Variants in LEPR observed in about 807,000 individuals in gnomAD.
LEPR encodes OB receptor.
LEPR carries 56 observed loss-of-function variants against 114.7 expected under a neutral mutation model. The ratio of observed to expected loss-of-function variants is 0.49; its 90% CI spans 0.39 to 0.61. The LOEUF is 0.61. LEPR is among the 20% of genes least tolerant of loss of function. The pLI, the probability that LEPR is intolerant of heterozygous loss-of-function variation, is 0.00. For missense variants in LEPR, 1,202 were observed against 1,352.9 expected (o/e 0.89, Z 1.75); for synonymous variants, 443 against 461.4 (o/e 0.96, Z 0.51).
rs189228970 is a variant in LEPR, at chr1:65,544,430, A to G, written c.-20-21116A>G. ...CCTCTCTTCCTATTTGAATACCCTT[A>G]ATTTCTTTCTCTTGCCTGATTTCCC... On this transcript the variant is annotated intron_variant, in intron 2 of 19. Coordinates refer to ENST00000349533, the MANE Select transcript of LEPR (RefSeq NM_002303.6). 5.9e-3 allele frequency among the ~76,000 whole-genome samples: 902 copies of G among 151,962 alleles called. 3 individuals are homozygous for G. The highest frequency in any genetic ancestry group is 0.01 in the Non-Finnish European group (713 of 67,980).
chr1:65,605,842 T>C (rs893073579), intron 11 of LEPR, among the ~76,000 whole-genome samples: 3 of 152,206 alleles, frequency 2.0e-5, no homozygotes, highest in African/African-American at 7.2e-5. Flanking sequence ...GAAATGATTG[T>C]GCAACAGGAA....
Position 65,483,289 on chromosome 1 carries a change from G to C in LEPR, c.-21+57911G>C, listed in dbSNP as rs142542334. Among the ~76,000 whole-genome samples, 8 of 151,984 alleles carry C rather than the reference G, an allele frequency of 5.3e-5. No individual in the cohort carries two copies. In the East Asian group the frequency reaches 1.5e-3, roughly 29 times the overall value. On this transcript the variant is annotated intron_variant, in intron 2 of 19. Coordinates refer to ENST00000349533, the MANE Select transcript of LEPR (RefSeq NM_002303.6). ...TCAATAAGAAAAAGACAATACCATG[G>C]ACATGTTCTCAAACTCCTTAGTAAT...
chr1:65,574,200 G>A (rs1347897812), intron 5 of LEPR, among the ~76,000 whole-genome samples: 1 of 152,146 alleles, frequency 6.6e-6, no homozygotes, highest in South Asian at 2.1e-4. Flanking sequence ...AGTCATTAGA[G>A]ATAAATAAGA....
At chr1:65,467,308 G>A (rs911873426) in intron 2 of LEPR, among the ~76,000 whole-genome samples, 35 of 152,124 alleles carry the variant, frequency 2.3e-4, no homozygotes, top group African/African-American at 7.7e-4. Context: ...AGGTCTGTTG[G>A]AGTTTGCTGG....
chr1:65,466,416 C>G (rs940839659), intron 2 of LEPR, among the ~76,000 whole-genome samples: 5 of 152,186 alleles, frequency 3.3e-5, no homozygotes, highest in African/African-American at 1.2e-4. Context: ...ATGGGCTTCT[C>G]TTTGTGGGTA....
intron 2 of LEPR, among the ~76,000 whole-genome samples, chr1:65,529,153 A>G (rs1369018315): frequency 6.6e-6 from 1 of 152,086 alleles, no homozygotes; most frequent in Admixed American, 6.5e-5. Flanking sequence ...ATTAAATCAT[A>G]GATTATTTTG....
At chr1:65,570,850 C>A (rs1324146285) in intron 4 of LEPR, 48 bp downstream of exon 4, 10 of 1,431,136 alleles carry the variant, frequency 7.0e-6, no homozygotes, top group African/African-American at 1.4e-5. Flanking sequence ...TTTTTTAATT[C>A]TTTGATACCT....
rs188812435 is a variant in LEPR at position 65,597,356 on chromosome 1, C to T, written c.849+763C>T. 7.2e-5 allele frequency among the ~76,000 whole-genome samples: 11 copies of T among 152,022 alleles called. No individual in the cohort carries two copies. In the East Asian group the frequency reaches 1.2e-3, roughly 16 times the overall value. Reference sequence around the variant, plus strand: ...TCTCTTTTTCTTTAACAGTTCGTTCCGTAAGTATTTATTGAACACCTGCTA... The same window carrying T: ...TCTCTTTTTCTTTAACAGTTCGTTCTGTAAGTATTTATTGAACACCTGCTA... On this transcript the variant is annotated intron_variant, in intron 7 of 19. Transcript: ENST00000349533.
At chr1:65,449,260 C>CTTTTTTTTTTTTTT (rs201429452) in intron 2 of LEPR, among the ~76,000 whole-genome samples, 2 of 118,528 alleles carry the variant, frequency 1.7e-5, no homozygotes, top group African/African-American at 6.3e-5. Flanking sequence ...TTTTATTTAT[C>CTTTTTTTTTTTTTT]TTTTTTTTTT....
intron 2 of LEPR, among the ~76,000 whole-genome samples, chr1:65,454,755 T>C (rs1394842495): frequency 2.6e-5 from 4 of 152,114 alleles, no homozygotes; most frequent in Non-Finnish European, 4.4e-5. Context: ...CTGACAATTA[T>C]GTGTCTTGGA....
intron 2 of LEPR, among the ~76,000 whole-genome samples, chr1:65,524,568 G>A (rs879181501): frequency 1.3e-5 from 2 of 152,170 alleles, no homozygotes; most frequent in African/African-American, 4.8e-5. Context: ...GCCGGGAGTC[G>A]TCGCTTCTGG....
In LEPR at chr1:65,565,916, TA is replaced by T. The variant is rs1187022216; in HGVS notation, c.40+312del. On this transcript the variant is annotated intron_variant, in intron 3 of 19. Coordinates refer to ENST00000349533, the MANE Select transcript of LEPR (RefSeq NM_002303.6). ...ACATACACAGACACACTCATATCTA[TA>T]GCTGCAAAAATAGCACTGGTCTGTA... Among the ~76,000 whole-genome samples the T allele has an allele frequency of 4.6e-5, 7 of 152,132 alleles. No individual in the cohort carries two copies. The East Asian group carries it at 1.4e-3, about 30-fold the overall frequency.
chr1:65,487,899 CTTTCTTTCTTT>C (rs1466396718), intron 2 of LEPR, among the ~76,000 whole-genome samples: 1 of 150,986 alleles, frequency 6.6e-6, no homozygotes, highest in East Asian at 1.9e-4. Context: ...CTTTCCTTTT[CTTTCTTTCTTT>C]TTTCGTCTTT....
At chr1:65,552,397 G>A (rs1361382442) in intron 2 of LEPR, among the ~76,000 whole-genome samples, 2 of 152,106 alleles carry the variant, frequency 1.3e-5, no homozygotes, top group Admixed American at 1.3e-4. Flanking sequence ...CTCCTGTATT[G>A]GGTGCATATA....
chr1:65,484,016 G>T (rs532078157), intron 2 of LEPR, among the ~76,000 whole-genome samples: 1 of 151,532 alleles, frequency 6.6e-6, no homozygotes, highest in East Asian at 1.9e-4. Context: ...ATAGATCACT[G>T]CAGGGTAATT....
intron 2 of LEPR, among the ~76,000 whole-genome samples, chr1:65,471,898 C>T (rs187185458): frequency 6.6e-6 from 1 of 152,242 alleles, no homozygotes; most frequent in East Asian, 1.9e-4. Context: ...TAGAAAATCT[C>T]ATTACTTTAC....
intron 19 of LEPR, chr1:65,629,339 T>C (rs1334505131): frequency 2.2e-6 from 1 of 450,686 alleles, no homozygotes; most frequent in Non-Finnish European, 4.4e-6. Context: ...AAGTCAGGGT[T>C]GATATGATGT....
intron 2 of LEPR, among the ~76,000 whole-genome samples, chr1:65,477,655 T>C (rs960792360): frequency 2.0e-5 from 3 of 152,208 alleles, no homozygotes; most frequent in Non-Finnish European, 4.4e-5. Flanking sequence ...TGCAAGGCCA[T>C]ACTGAAGAGG....
At chr1:65,634,179 A>G in intron 19 of LEPR, 1 of 984,436 alleles carries the variant, frequency 1.0e-6, no homozygotes, top group South Asian at 4.7e-5. Context: ...ACCAACGACT[A>G]TGTTTAATGA....
Sources: gnomAD v4.1 joint callset for allele counts (sites outside exome capture counted in the v4.1 genomes callset) on GRCh38, gnomAD v4.1.1 for gene constraint, MANE v1.5 for transcripts, NCBI Gene and HGNC (gene_info 2026-07-23, HGNC 2026-07-21) for gene names.